The following PCDHA4 variants were observed in gnomAD, a reference collection of about 807,000 sequenced individuals.
The protein encoded by PCDHA4 is protocadherin alpha 4.
Under a neutral mutation model 61.4 loss-of-function variants are expected in PCDHA4, and 49 were observed. The ratio of observed to expected loss-of-function variants is 0.80; its 90% CI spans 0.63 to 1.01. PCDHA4 has a LOEUF of 1.01. Among genes scored for constraint, PCDHA4 ranks in the 50% least tolerant of loss-of-function variants. The probability of loss-of-function intolerance (pLI) is 0.00; values close to 1 mark genes in which losing one functional copy is unlikely to be tolerated. For missense variants in PCDHA4, 1,254 were observed against 1,235.8 expected (o/e 1.01, Z -0.22); for synonymous variants, 590 against 550.3 (o/e 1.07, Z -1.01).
chr5:140,833,280 G>A (rs181122201), intron 1 of PCDHA4, among the ~76,000 whole-genome samples: 14 of 152,214 alleles, frequency 9.2e-5, no homozygotes, highest in African/African-American at 3.4e-4. Flanking sequence ...AACTTATTTA[G>A]GAAAGCATCT....
At position 140,807,706 on chromosome 5, in the gene PCDHA4, C is replaced by G; in HGVS notation, c.519C>G (p.Ser173Arg). 1 of 1,614,170 alleles carries G rather than the reference C, an allele frequency of 6.2e-7. No individual in the cohort carries two copies. Among genetic ancestry groups the G allele is most frequent in the Middle Eastern group, 1.6e-4 (1 of 6,062 alleles). The change falls in exon 1 of 4, where the codon AGC becomes AGG. Residue 173 changes from serine (S) to arginine (R), a missense_variant. Ser to Arg is a moderately radical substitution (Grantham distance 110). Coordinates refer to ENST00000530339, the MANE Select transcript of PCDHA4 (RefSeq NM_018907.4). Reference protein sequence around the residue: ...GENALLTYRLSPNEYFSLEKP... With the variant: ...GENALLTYRLRPNEYFSLEKP... ...ACGCCCTGCTCACTTACAGACTGAGCCCAAATGAATACTTTTCTCTGGAAA... is the reference window on the plus strand; with the variant it reads ...ACGCCCTGCTCACTTACAGACTGAGGCCAAATGAATACTTTTCTCTGGAAA...
At chr5:140,966,731 G>C (rs2096045524) in intron 1 of PCDHA4, 3 of 1,405,020 alleles carry the variant, frequency 2.1e-6, no homozygotes, top group Non-Finnish European at 2.8e-6. Flanking sequence ...TGCCGCCTCC[G>C]GCCCTGCCCG....
At chr5:140,982,336 A>G in intron 2 of PCDHA4, 139 bp from the exon 3 acceptor site, 1 of 1,449,074 alleles carries the variant, frequency 6.9e-7, no homozygotes, top group Non-Finnish European at 9.2e-7. Context: ...GCTCAGCAGT[A>G]ATTGCTTCAG....
chr5:140,878,274 C>G (rs1273765492), intron 1 of PCDHA4, among the ~76,000 whole-genome samples: 3 of 152,092 alleles, frequency 2.0e-5, no homozygotes, highest in Non-Finnish European at 1.5e-5. Flanking sequence ...TTTAAAATAG[C>G]CTTCTTGATC....
rs2150513475 is a variant in PCDHA4 at position 140,852,208 on chromosome 5, C to T, written c.2385+42636C>T. On this transcript the variant is annotated intron_variant, in intron 1 of 3. Transcript: ENST00000530339. ...AAATGCCAGTAACGTTTATTTAAAA[C>T]AAAATATTTTAATTTTTAAATTTTC... The T allele has an allele frequency of 5.2e-5, 34 of 657,540 alleles. 1 individual carries two copies. The African/African-American group carries it at 5.9e-4, about 11-fold the overall frequency. The allele number at this position is 657,540 out of a possible 1,614,324, so 40.7% of individuals were successfully genotyped here.
intron 1 of PCDHA4, chr5:140,853,431 T>A (rs115944296): frequency 0.015 from 15,010 of 985,262 alleles, 1,430 homozygotes; most frequent in Non-Finnish European, 0.017. Context: ...AGAGACACTT[T>A]CCTATTTTGC....
chr5:140,866,116 T>C (rs1232986434), intron 1 of PCDHA4: 2 of 152,196 alleles, frequency 1.3e-5, no homozygotes, highest in Non-Finnish European at 2.9e-5. Flanking sequence ...AGTTGCCTTA[T>C]AAGAACTACG....
At chr5:140,817,187 T>G (rs2126678209) in intron 1 of PCDHA4, 2 of 152,324 alleles carry the variant, frequency 1.3e-5, no homozygotes, top group South Asian at 2.1e-4. Flanking sequence ...CCCTGAAAAG[T>G]CAGAACACTG....
chr5:140,926,778 A>G, intron 1 of PCDHA4: 1 of 1,393,042 alleles, frequency 7.2e-7, no homozygotes, highest in East Asian at 2.6e-5. Context: ...CGCAGCAGTG[A>G]CGGCCGGCAG....
At position 140,833,586 on chromosome 5, in the gene PCDHA4, T is replaced by C. The variant is rs1377047796; in HGVS notation, c.2385+24014T>C. Among the ~76,000 whole-genome samples the C allele has an allele frequency of 3.9e-5, 6 of 152,200 alleles. No homozygotes were observed. The East Asian group carries it at 9.7e-4, about 25-fold the overall frequency. ...ATAAAATGATGAACTCCTGAAACAGTATATATAGATTCTGCTAAAGCAAAA... is the reference window on the plus strand; with the variant it reads ...ATAAAATGATGAACTCCTGAAACAGCATATATAGATTCTGCTAAAGCAAAA... On this transcript the variant is annotated intron_variant, in intron 1 of 3. Transcript: ENST00000530339.
chr5:140,900,651 A>G (rs1386674800), intron 1 of PCDHA4, among the ~76,000 whole-genome samples: 3 of 152,232 alleles, frequency 2.0e-5, no homozygotes, highest in African/African-American at 7.2e-5. Flanking sequence ...ACACTGCTGC[A>G]ATGAACAATG....
At chr5:140,855,376 A>T (rs1239693937) in intron 1 of PCDHA4, among the ~76,000 whole-genome samples, 1 of 150,012 alleles carries the variant, frequency 6.7e-6, no homozygotes, top group Non-Finnish European at 1.5e-5. Context: ...GATAATAGGA[A>T]TCTAAATGGA....
At chr5:140,856,056 C>T (rs2043749341) in intron 1 of PCDHA4, 1 of 1,586,796 alleles carries the variant, frequency 6.3e-7, no homozygotes, top group Non-Finnish European at 8.6e-7. Flanking sequence ...AAGATGGTTT[C>T]CAGATGTAGC....
At chr5:140,965,254 T>C (rs2153743153) in intron 1 of PCDHA4, among the ~76,000 whole-genome samples, 1 of 152,302 alleles carries the variant, frequency 6.6e-6, no homozygotes, top group African/African-American at 2.4e-5. Context: ...TATTCAGAAC[T>C]GAGCAGCAGA....
rs1464705038 is a variant in PCDHA4 at position 140,883,214 on chromosome 5, T to C, written c.2385+73642T>C. 4.3e-6 allele frequency: 7 copies of C among 1,613,892 alleles called. No individual in the cohort carries two copies. The highest frequency in any genetic ancestry group is 5.9e-6 in the Non-Finnish European group (7 of 1,180,024). The stretch of plus-strand genomic sequence containing the variant: ...ACTAGATTTCGAAGAAAAGAAATTA[T>C]ATGAAATATCCGTGGAGGCAGTTGA... On this transcript the variant is annotated intron_variant, in intron 1 of 3. Coordinates refer to ENST00000530339, the MANE Select transcript of PCDHA4 (RefSeq NM_018907.4).
intron 1 of PCDHA4, among the ~76,000 whole-genome samples, chr5:140,941,211 C>CT (rs59928198): frequency 0.24 from 30,589 of 127,372 alleles, 3,669 homozygotes; most frequent in South Asian, 0.38. Context: ...TCCTTTCTTT[C>CT]TTCCTTTCTT....
At chr5:140,818,688 A>T (rs2150051064) in intron 1 of PCDHA4, among the ~76,000 whole-genome samples, 1 of 152,312 alleles carries the variant, frequency 6.6e-6, no homozygotes, top group East Asian at 1.9e-4. Context: ...AATGAAAAAA[A>T]TTAGCTAGAT....
chr5:140,858,060 G>A lies in PCDHA4; in HGVS notation c.2385+48488G>A, dbSNP rs17844348. ...ACTGTGCTTGTGTCGCTTGTGGAGG[G>A]CAGCCAGGCACCCAAGGCCTCGTCG... On this transcript the variant is annotated intron_variant, in intron 1 of 3. Transcript: ENST00000530339. The A allele has an allele frequency of 4.3e-4, 686 of 1,597,590 alleles. 15 individuals are homozygous for A. In the East Asian group the frequency reaches 0.015, roughly 34 times the overall value.
At chr5:140,906,124 G>A (rs1399975318) in intron 1 of PCDHA4, among the ~76,000 whole-genome samples, 2 of 151,992 alleles carry the variant, frequency 1.3e-5, no homozygotes, top group Non-Finnish European at 2.9e-5. Flanking sequence ...TGACACAAAT[G>A]TTAGTCTCCT....
Sources: allele counts gnomAD v4.1 joint callset (sites outside exome capture counted in the v4.1 genomes callset), GRCh38; gene constraint gnomAD v4.1.1; transcripts MANE v1.5; gene names NCBI Gene and HGNC (gene_info 2026-07-23, HGNC 2026-07-21).